The following MAST2 variants were observed in gnomAD, a reference collection of about 807,000 sequenced individuals.
MAST2 encodes the protein microtubule associated serine/threonine kinase 2.
MAST2 carries 70 observed loss-of-function variants against 147.4 expected under a neutral mutation model. That is an observed-to-expected ratio of 0.47 (90% CI 0.39 to 0.58). MAST2 has a LOEUF of 0.58. Among genes scored for constraint, MAST2 ranks in the 20% least tolerant of loss-of-function variants. The pLI, the probability that MAST2 is intolerant of heterozygous loss-of-function variation, is 0.00. For synonymous variants in MAST2, 869 were observed against 896.8 expected, an observed-to-expected ratio of 0.97 and a Z score of 0.55; for missense variants, 2,080 against 2,302.3, an observed-to-expected ratio of 0.90 and a Z score of 1.98.
chr1:45,969,559 G>A (rs1370843802), intron 5 of MAST2, among the ~76,000 whole-genome samples: 1 of 152,034 alleles, frequency 6.6e-6, no homozygotes, highest in Non-Finnish European at 1.5e-5. Context: ...GAACCCTGTT[G>A]TGAACTGTGC....
rs1451458307 is a variant in MAST2, at chr1:46,034,638, A to G, written c.3969A>G (p.Ala1323=). 2 of 1,614,000 alleles carry G rather than the reference A, an allele frequency of 1.2e-6. No individual in the cohort carries two copies. Among genetic ancestry groups the G allele is most frequent in the Non-Finnish European group, 1.7e-6 (2 of 1,179,992 alleles). ...GGCCCAGCTCCCTCCACGGTCTGGCACCCAAGCTCCAACGCCAGTACCGCT... is the reference window on the plus strand; with the variant it reads ...GGCCCAGCTCCCTCCACGGTCTGGCGCCCAAGCTCCAACGCCAGTACCGCT... ...HTRPSSLHGL[A]PKLQRQYRSP... The change falls in exon 29 of 29, where the codon GCA becomes GCG. Residue 1323 remains alanine, a synonymous_variant. Transcript: ENST00000361297.
intron 6 of MAST2, among the ~76,000 whole-genome samples, chr1:45,999,305 A>G (rs1336847760): frequency 6.6e-6 from 1 of 152,180 alleles, no homozygotes; most frequent in Non-Finnish European, 1.5e-5. Context: ...TTGTTAAGCA[A>G]GGATCCAGAT....
chr1:46,029,657 C>T (rs559969601), intron 19 of MAST2, 90 bp downstream of exon 19: 534 of 1,392,770 alleles, frequency 3.8e-4, no homozygotes, highest in Admixed American at 5.2e-4. Flanking sequence ...GCTTCGGTTA[C>T]GGGCAGCCCC....
Position 46,035,142 on chromosome 1 carries a change from G to A in MAST2, c.4473G>A (p.Ser1491=), listed in dbSNP as rs1266746991. 15 of 1,613,630 alleles carry A rather than the reference G, an allele frequency of 9.3e-6. No homozygotes were observed. The highest frequency in any genetic ancestry group is 6.7e-5 in the Admixed American group (4 of 60,002). ...AGGACCGAGCCGAACGACGGGAGTC[G>A]CTGCAGAAGCAAGAAGCCATTCGTG... is the stretch of plus-strand genomic sequence containing the variant. ...LRQDRAERRE[S]LQKQEAIREV... is the part of the protein sequence containing the mutation. The change falls in exon 29 of 29, where the codon TCG becomes TCA. Residue 1491 remains serine (S), a synonymous_variant. Transcript: ENST00000361297. The surrounding 1 kb of genome is among the most constrained non-coding windows in gnomAD (Gnocchi z 5.5).
intron 22 of MAST2, 121 bp from the exon 23 acceptor site, chr1:46,030,886 C>T: frequency 6.8e-7 from 1 of 1,469,830 alleles, no homozygotes; most frequent in Non-Finnish European, 9.1e-7. Flanking sequence ...ACAAGGGTGG[C>T]TCCTGGAGGA....
At chr1:45,822,774 G>A (rs1644676093) in intron 1 of MAST2, among the ~76,000 whole-genome samples, 2 of 151,598 alleles carry the variant, frequency 1.3e-5, no homozygotes, top group African/African-American at 4.9e-5. Flanking sequence ...CCTCTTTAAT[G>A]GATTACCAGC....
At chr1:46,025,563 C>T in intron 15 of MAST2, 114 bp from the exon 16 acceptor site, 3 of 1,270,744 alleles carry the variant, frequency 2.4e-6, no homozygotes, top group Non-Finnish European at 1.1e-6. Flanking sequence ...TCTCCAGCAC[C>T]AGGATATTCC....
intron 3 of MAST2, among the ~76,000 whole-genome samples, chr1:45,876,737 C>T (rs1646622243): frequency 6.6e-6 from 1 of 152,162 alleles, no homozygotes; most frequent in Non-Finnish European, 1.5e-5. Flanking sequence ...CCTTAGTTGT[C>T]ACAGAATGTA....
intron 10 of MAST2, among the ~76,000 whole-genome samples, chr1:46,018,963 C>T (rs527803292): frequency 1.3e-5 from 2 of 152,316 alleles, no homozygotes; most frequent in East Asian, 3.9e-4. Flanking sequence ...CTTATAGTTA[C>T]TATTTCACTT....
chr1:45,921,366 T>A (rs1335605635), intron 4 of MAST2, among the ~76,000 whole-genome samples: 1 of 152,160 alleles, frequency 6.6e-6, no homozygotes, highest in Non-Finnish European at 1.5e-5. Context: ...GCTAGAAACC[T>A]CTGTGGCTGG....
intron 5 of MAST2, among the ~76,000 whole-genome samples, chr1:45,975,246 A>G (rs530942495): frequency 6.6e-6 from 1 of 152,280 alleles, no homozygotes; most frequent in African/African-American, 2.4e-5. Context: ...AAGATTTGTA[A>G]CCCAAGCTAG....
In MAST2 at chr1:45,846,069, C is replaced by T. The variant is rs183296505; in HGVS notation, c.468+16488C>T. Among the ~76,000 whole-genome samples the T allele has an allele frequency of 7.1e-4, 108 of 152,150 alleles. 1 individual carries two copies. The highest frequency in any genetic ancestry group is 2.5e-3 in the African/African-American group (102 of 41,520). ...GCCACTGTGCCTGGCCTCTTTATCCCGTTTCAAAAGATAAATTAATTGTGG... is the reference window on the plus strand; with the variant it reads ...GCCACTGTGCCTGGCCTCTTTATCCTGTTTCAAAAGATAAATTAATTGTGG... On this transcript the variant is annotated intron_variant, in intron 3 of 28. Coordinates refer to ENST00000361297, the MANE Select transcript of MAST2 (RefSeq NM_015112.3).
chr1:45,967,761 G>T (rs1296195016), intron 5 of MAST2, among the ~76,000 whole-genome samples: 2 of 152,154 alleles, frequency 1.3e-5, no homozygotes, highest in Non-Finnish European at 2.9e-5. Flanking sequence ...AACCCGTACA[G>T]TTCAAACCTG....
intron 4 of MAST2, among the ~76,000 whole-genome samples, chr1:45,940,349 C>CA (rs1657059968): frequency 6.6e-6 from 1 of 152,034 alleles, no homozygotes; most frequent in African/African-American, 2.4e-5. Context: ...ATACAAGTCT[C>CA]ATACTTCTTT....
chr1:46,025,864 C>T lies in MAST2; in HGVS notation c.1919+49C>T, dbSNP rs367756570. ...TGTCCAGGGTCTCCCTCTTGGGTCT[C>T]CAGATAAAATGTTGGCAAGCACAGT... On this transcript the variant is annotated intron_variant, in intron 16 of 28. Coordinates refer to ENST00000361297, the MANE Select transcript of MAST2 (RefSeq NM_015112.3). The T allele has an allele frequency of 5.6e-6, 9 of 1,611,506 alleles. No individual in the cohort carries two copies. In the African/African-American group the frequency reaches 1.2e-4, roughly 22 times the overall value.
intron 4 of MAST2, among the ~76,000 whole-genome samples, chr1:45,891,554 CAA>C (rs1647784976): frequency 6.6e-6 from 1 of 151,974 alleles, no homozygotes; most frequent in Admixed American, 6.6e-5. Context: ...TAAAGTAGCT[CAA>C]AGACAATAAA....
chr1:45,947,212 A>C (rs1570873129), intron 4 of MAST2, among the ~76,000 whole-genome samples: 1 of 148,880 alleles, frequency 6.7e-6, no homozygotes, highest in East Asian at 2.0e-4. Context: ...CAGGGTTGTT[A>C]GTTTTACAAG....
chr1:45,918,562 C>T (rs919491251), intron 4 of MAST2, among the ~76,000 whole-genome samples: 15 of 152,114 alleles, frequency 9.9e-5, no homozygotes, highest in African/African-American at 2.2e-4. Flanking sequence ...CTCAGCCTCC[C>T]GAGTAGCTGG....
chr1:45,832,670 A>G (rs549565856), intron 3 of MAST2, among the ~76,000 whole-genome samples: 26 of 152,216 alleles, frequency 1.7e-4, no homozygotes, highest in Non-Finnish European at 2.9e-4. Flanking sequence ...ATACAGCTGA[A>G]TATTCCACTT....
Sources: gnomAD v4.1 joint callset for allele counts (sites outside exome capture counted in the v4.1 genomes callset) on GRCh38, gnomAD v4.1.1 for gene constraint, Gnocchi (gnomAD v3.1) non-coding constraint, MANE v1.5 for transcripts, NCBI Gene and HGNC (gene_info 2026-07-23, HGNC 2026-07-21) for gene names.